Variants in CFDP1 observed in about 807,000 individuals in gnomAD.
CFDP1 encodes heterochromatin-stabilizing protein CFDP1.
A neutral mutation model predicts 40.1 loss-of-function variants in CFDP1; 31 were observed. The ratio of observed to expected loss-of-function variants is 0.77; its 90% CI spans 0.58 to 1.04. The LOEUF is 1.04. Among genes scored for constraint, CFDP1 ranks in the 50% least tolerant of loss-of-function variants. The pLI, the probability that CFDP1 is intolerant of heterozygous loss-of-function variation, is 0.00. For missense variants in CFDP1, 423 were observed against 343.4 expected, an observed-to-expected ratio of 1.23 and a Z score of -1.83; for synonymous variants, 167 against 120.0, an observed-to-expected ratio of 1.39 and a Z score of -2.56.
chr16:75,329,893 G>A (rs2078432671), intron 5 of CFDP1, among the ~76,000 whole-genome samples: 1 of 152,156 alleles, frequency 6.6e-6, no homozygotes, highest in Non-Finnish European at 1.5e-5. Context: ...TGTTCTTGGG[G>A]AGCTATGGCC....
chr16:75,390,497 C>T (rs930325651), intron 5 of CFDP1, among the ~76,000 whole-genome samples: 1 of 152,250 alleles, frequency 6.6e-6, no homozygotes, highest in Non-Finnish European at 1.5e-5. Context: ...CCACTGACCA[C>T]CTGCCTCCCG....
At chr16:75,320,354 G>T (rs1038221847) in intron 5 of CFDP1, among the ~76,000 whole-genome samples, 2 of 152,084 alleles carry the variant, frequency 1.3e-5, no homozygotes, top group Admixed American at 1.3e-4. Flanking sequence ...TGAAAAAGAT[G>T]CTTTAGCGTT....
intron 4 of CFDP1, among the ~76,000 whole-genome samples, chr16:75,403,288 A>C (rs7184525): frequency 1.8e-4 from 27 of 152,076 alleles, no homozygotes; most frequent in African/African-American, 6.3e-4. Context: ...GCACGATCTC[A>C]GCACACAGCA....
At chr16:75,335,076 C>T (rs567508294) in intron 5 of CFDP1, among the ~76,000 whole-genome samples, 1 of 152,284 alleles carries the variant, frequency 6.6e-6, no homozygotes, top group East Asian at 1.9e-4. Context: ...TCATGTACCC[C>T]TAAAATTATT....
intron 4 of CFDP1, 30 bp from the exon 5 acceptor site, chr16:75,395,239 C>T: frequency 1.9e-6 from 3 of 1,607,488 alleles, no homozygotes; most frequent in Non-Finnish European, 2.5e-6. Flanking sequence ...ATCAAGCTTA[C>T]AAGAAGAATA....
At chr16:75,398,458 T>C (rs906003749) in intron 4 of CFDP1, among the ~76,000 whole-genome samples, 5 of 152,090 alleles carry the variant, frequency 3.3e-5, no homozygotes, top group Non-Finnish European at 5.9e-5. Context: ...CTGTCTCAAC[T>C]CAAAGAGTTC....
intron 5 of CFDP1, among the ~76,000 whole-genome samples, chr16:75,393,121 C>T (rs1249159338): frequency 6.6e-6 from 1 of 152,208 alleles, no homozygotes; most frequent in Admixed American, 6.5e-5. Context: ...GGAAGCAGCT[C>T]TGAGCCAATG....
At chr16:75,371,077 G>A (rs182129532) in intron 5 of CFDP1, among the ~76,000 whole-genome samples, 297 of 152,280 alleles carry the variant, frequency 2.0e-3, no homozygotes, top group Non-Finnish European at 3.5e-3. Context: ...ACATGTTCAT[G>A]TGGACTTCAC....
chr16:75,390,238 C>A (rs1156986576), intron 5 of CFDP1, among the ~76,000 whole-genome samples: 2 of 152,216 alleles, frequency 1.3e-5, no homozygotes, highest in African/African-American at 4.8e-5. Context: ...GCTCTAGGAG[C>A]TGCTCTGTGA....
intron 4 of CFDP1, among the ~76,000 whole-genome samples, chr16:75,401,037 T>C (rs747835726): frequency 5.3e-5 from 8 of 152,286 alleles, no homozygotes; most frequent in Non-Finnish European, 7.4e-5. Context: ...GGCTCACACC[T>C]GTAATCCCAG....
chr16:75,348,408 G>A (rs1033371423), intron 5 of CFDP1, among the ~76,000 whole-genome samples: 1 of 152,108 alleles, frequency 6.6e-6, no homozygotes, highest in African/African-American at 2.4e-5. Flanking sequence ...CAACACTTCT[G>A]TAAATCTAAA....
intron 4 of CFDP1, among the ~76,000 whole-genome samples, chr16:75,398,189 C>T (rs1378194944): frequency 6.6e-6 from 1 of 152,250 alleles, no homozygotes; most frequent in Non-Finnish European, 1.5e-5. Context: ...GTGTGCTACA[C>T]AGCACTACTG....
intron 6 of CFDP1, among the ~76,000 whole-genome samples, chr16:75,299,424 TA>T (rs55975805): frequency 3.4e-4 from 49 of 143,334 alleles, no homozygotes; most frequent in Admixed American, 4.2e-4. Flanking sequence ...CATCTCTACT[TA>T]AAAAAAAAAA....
intron 5 of CFDP1, among the ~76,000 whole-genome samples, chr16:75,376,935 TA>T (rs2078804012): frequency 3.3e-5 from 5 of 152,222 alleles, no homozygotes; most frequent in Admixed American, 2.0e-4. Context: ...AAAGTAGATA[TA>T]AATATGACTG....
chr16:75,336,983 A>C lies in CFDP1; in HGVS notation c.651-31801T>G, dbSNP rs548691127. On this transcript the variant is annotated intron_variant, in intron 5 of 6. Coordinates refer to ENST00000283882, the MANE Select transcript of CFDP1 (RefSeq NM_006324.3). Reference sequence around the variant, plus strand: ...TATTGATTTGTAGGGGATCTTATGGAAATCTGCACCTTGTTTGGCTCTGAG... The same window carrying C: ...TATTGATTTGTAGGGGATCTTATGGCAATCTGCACCTTGTTTGGCTCTGAG... Among the ~76,000 whole-genome samples the C allele has an allele frequency of 2.6e-3, 402 of 152,320 alleles. 3 individuals carry two copies. The highest frequency in any genetic ancestry group is 9.4e-3 in the African/African-American group (392 of 41,572).
intron 5 of CFDP1, among the ~76,000 whole-genome samples, chr16:75,318,336 A>AAG (rs1168593096): frequency 6.6e-6 from 1 of 152,116 alleles, no homozygotes; most frequent in African/African-American, 2.4e-5. Flanking sequence ...CACTGGGCAG[A>AAG]AGATCAATAT....
At position 75,300,823 on chromosome 16, in the gene CFDP1, T is replaced by C. The variant is rs150822862; in HGVS notation, c.809+4201A>G. On this transcript the variant is annotated intron_variant, in intron 6 of 6. Coordinates refer to ENST00000283882, the MANE Select transcript of CFDP1 (RefSeq NM_006324.3). ...TTTTTGAGTCTTCAGTAGAGAATGG[T>C]AGCTGCAACTTGCAACTAGTGAGCT... Among the ~76,000 whole-genome samples, 15 of 151,858 alleles carry C rather than the reference T, an allele frequency of 9.9e-5. No homozygotes were observed. In the East Asian group the frequency reaches 2.9e-3, roughly 29 times the overall value.
intron 4 of CFDP1, among the ~76,000 whole-genome samples, chr16:75,403,762 C>T (rs892428004): frequency 6.6e-6 from 1 of 152,146 alleles, no homozygotes; most frequent in African/African-American, 2.4e-5. Context: ...CTGCTGGTCC[C>T]CTACTGGATG....
At chr16:75,382,109 CCT>C (rs1046003399) in intron 5 of CFDP1, among the ~76,000 whole-genome samples, 5 of 149,824 alleles carry the variant, frequency 3.3e-5, no homozygotes, top group African/African-American at 7.4e-5. Context: ...GAGTGAAACC[CCT>C]GTCTCAAAAA....
Sources: gnomAD v4.1 joint callset for allele counts (sites outside exome capture counted in the v4.1 genomes callset) on GRCh38, gnomAD v4.1.1 for gene constraint, MANE v1.5 for transcripts, NCBI Gene and HGNC (gene_info 2026-07-23, HGNC 2026-07-21) for gene names.